The following LPP variants were observed in gnomAD, a reference collection of about 807,000 sequenced individuals.
LPP encodes lipoma-preferred partner.
In LPP, 38 loss-of-function variants were observed where a neutral mutation model predicts 60.4. The ratio of observed to expected loss-of-function variants is 0.63; its 90% CI spans 0.49 to 0.83. The LOEUF is 0.83. Among genes scored for constraint, LPP ranks in the 40% least tolerant of loss-of-function variants. The probability of loss-of-function intolerance (pLI) is 0.00; values close to 1 mark genes in which losing one functional copy is unlikely to be tolerated. For synonymous variants in LPP, 328 were observed against 290.8 expected (o/e 1.13, Z -1.30); for missense variants, 902 against 783.6 (o/e 1.15, Z -1.80).
intron 5 of LPP, among the ~76,000 whole-genome samples, chr3:188,492,788 A>G (rs535208149): frequency 6.6e-6 from 1 of 152,356 alleles, no homozygotes; most frequent in South Asian, 2.1e-4. Context: ...GGGAAAAATT[A>G]TGATCTGCTT....
intron 1 of LPP, among the ~76,000 whole-genome samples, chr3:188,175,842 A>ATT (rs542070780): frequency 4.1e-5 from 6 of 147,348 alleles, no homozygotes; most frequent in African/African-American, 1.5e-4. Context: ...GTACATGTTA[A>ATT]TTTTTTTTTT....
At chr3:188,732,830 GTAT>G (rs1721133546) in intron 8 of LPP, among the ~76,000 whole-genome samples, 1 of 151,812 alleles carries the variant, frequency 6.6e-6, no homozygotes, top group East Asian at 1.9e-4. Flanking sequence ...TCTTCTTAGA[GTAT>G]TGGGGTATAA....
chr3:188,248,728 G>A (rs1728016481), intron 2 of LPP, among the ~76,000 whole-genome samples: 1 of 151,806 alleles, frequency 6.6e-6, no homozygotes, highest in Non-Finnish European at 1.5e-5. Flanking sequence ...GTGTGTGGTG[G>A]AAGGCAGCAC....
At chr3:188,611,319 T>G (rs1489879704) in intron 7 of LPP, among the ~76,000 whole-genome samples, 1 of 152,200 alleles carries the variant, frequency 6.6e-6, no homozygotes, top group East Asian at 1.9e-4. Flanking sequence ...AAAGAAATGT[T>G]ATTACAGTTT....
chr3:188,809,117 A>G (rs547761333), intron 9 of LPP, among the ~76,000 whole-genome samples: 6 of 152,268 alleles, frequency 3.9e-5, no homozygotes, highest in Admixed American at 2.0e-4. Context: ...TGTCTTTGCT[A>G]TTGAAAAATA....
chr3:188,864,696 G>A (rs763882055), intron 9 of LPP, among the ~76,000 whole-genome samples: 10 of 152,232 alleles, frequency 6.6e-5, no homozygotes, highest in African/African-American at 2.4e-4. Flanking sequence ...CAGAAGTATG[G>A]GAGTTTCACA....
intron 6 of LPP, among the ~76,000 whole-genome samples, chr3:188,569,662 G>C (rs115216013): frequency 2.1e-3 from 316 of 152,048 alleles, no homozygotes; most frequent in African/African-American, 7.2e-3. Context: ...AGAGGAAATT[G>C]TGGCCCAGAA....
At chr3:188,569,417 T>C (rs1832989981) in intron 6 of LPP, among the ~76,000 whole-genome samples, 1 of 152,028 alleles carries the variant, frequency 6.6e-6, no homozygotes, top group Non-Finnish European at 1.5e-5. Flanking sequence ...GTATGTCATC[T>C]GTATTGTGTA....
intron 4 of LPP, among the ~76,000 whole-genome samples, chr3:188,480,383 T>C (rs539473642): frequency 2.2e-4 from 33 of 152,374 alleles, no homozygotes; most frequent in Non-Finnish European, 4.3e-4. Context: ...AAGCAAGATA[T>C]GTCTCAGCAT....
intron 9 of LPP, among the ~76,000 whole-genome samples, chr3:188,834,324 G>GTTTTTTTTTTTTTTTTTTTTTTTTTTGT (rs71867135): frequency 5.9e-5 from 2 of 34,096 alleles, no homozygotes; most frequent in South Asian, 1.5e-3. Context: ...CTTTTTGGGT[G>GTTTTTTTTTTTTTTTTTTTTTTTTTTGT]TTTTTTTTTT....
At chr3:188,638,596 G>C (rs1312291211) in intron 7 of LPP, among the ~76,000 whole-genome samples, 1 of 148,884 alleles carries the variant, frequency 6.7e-6, no homozygotes, top group Non-Finnish European at 1.5e-5. Context: ...CAGATGACAT[G>C]ATTGTATATC....
At chr3:188,415,747 G>A (rs1463249848) in intron 4 of LPP, among the ~76,000 whole-genome samples, 1 of 100,416 alleles carries the variant, frequency 1.0e-5, no homozygotes, top group Non-Finnish European at 1.9e-5. Flanking sequence ...ACATATTCAT[G>A]ATTGCTAGGG....
intron 2 of LPP, among the ~76,000 whole-genome samples, chr3:188,307,768 A>G (rs1199573401): frequency 6.6e-6 from 1 of 152,208 alleles, no homozygotes; most frequent in Non-Finnish European, 1.5e-5. Flanking sequence ...GTCCTATGAG[A>G]TAAGCTCATA....
chr3:188,284,786 T>C (rs1743356402), intron 2 of LPP, among the ~76,000 whole-genome samples: 1 of 152,042 alleles, frequency 6.6e-6, no homozygotes, highest in African/African-American at 2.4e-5. Context: ...AGGGGGAGCA[T>C]GTAGGGAAAG....
intron 7 of LPP, among the ~76,000 whole-genome samples, chr3:188,668,342 A>C (rs1366416164): frequency 6.6e-6 from 1 of 152,162 alleles, no homozygotes; most frequent in Non-Finnish European, 1.5e-5. Context: ...TTTAGTTTAC[A>C]CTCGCCATAT....
chr3:188,658,826 T>TTACTGACC (rs1288300033), intron 7 of LPP, among the ~76,000 whole-genome samples: 1 of 152,198 alleles, frequency 6.6e-6, no homozygotes, highest in Non-Finnish European at 1.5e-5. Flanking sequence ...GCTGGCTGCA[T>TTACTGACC]TACTGACCTG....
At chr3:188,549,952 A>G (rs1352635938) in intron 6 of LPP, among the ~76,000 whole-genome samples, 1 of 152,196 alleles carries the variant, frequency 6.6e-6, no homozygotes, top group Non-Finnish European at 1.5e-5. Context: ...CTACTTTCAT[A>G]GAAAGTATAG....
intron 9 of LPP, among the ~76,000 whole-genome samples, chr3:188,781,028 G>C (rs760417767): frequency 9.2e-5 from 14 of 152,234 alleles, no homozygotes; most frequent in Admixed American, 3.3e-4. Flanking sequence ...AGCACTGAGA[G>C]TTTTGAGTGA....
At chr3:188,181,367 AAAAG>A (rs1044752430) in intron 1 of LPP, among the ~76,000 whole-genome samples, 5 of 151,858 alleles carry the variant, frequency 3.3e-5, no homozygotes, top group African/African-American at 7.3e-5. Flanking sequence ...AAAAAAAAAA[AAAAG>A]AAGAAGAAAA....
Sources: gnomAD v4.1 joint callset for allele counts (sites outside exome capture counted in the v4.1 genomes callset) on GRCh38, gnomAD v4.1.1 for gene constraint, MANE v1.5 for transcripts, NCBI Gene and HGNC (gene_info 2026-07-23, HGNC 2026-07-21) for gene names.